GALNTL6: variants seen among roughly 807,000 people sequenced by gnomAD.
GALNTL6 encodes the protein polypeptide N-acetylgalactosaminyltransferase like 6.
GALNTL6 carries 46 observed loss-of-function variants against 73.7 expected under a neutral mutation model. That is an observed-to-expected ratio of 0.62 (90% confidence interval 0.49 to 0.80). GALNTL6 has a LOEUF of 0.80. Among genes scored for constraint, GALNTL6 ranks in the 30% least tolerant of loss-of-function variants. GALNTL6 has a pLI of 0.00. For missense variants in GALNTL6, 604 were observed against 755.0 expected (o/e 0.80, Z 2.34); for synonymous variants, 259 against 263.7 (o/e 0.98, Z 0.17).
chr4:172,600,756 C>A (rs917639599), intron 5 of GALNTL6, among the ~76,000 whole-genome samples: 3 of 151,796 alleles, frequency 2.0e-5, no homozygotes, highest in Admixed American at 1.3e-4. Context: ...AGAGTAAAGA[C>A]CATTCTAGAC....
chr4:172,300,015 A>G (rs1212274361), intron 3 of GALNTL6, among the ~76,000 whole-genome samples: 1 of 152,128 alleles, frequency 6.6e-6, no homozygotes, highest in Non-Finnish European at 1.5e-5. Context: ...GTCTCTTTGT[A>G]GGTCTCTAAG....
Position 172,284,040 on chromosome 4 carries a change from T to C in GALNTL6, c.248-27574T>C, listed in dbSNP as rs540928926. ...ATGGTCTAAATCAATCTTTGGAAAA[T>C]ATGAGTGAAGGTGGAATTTGAAATG... is the stretch of plus-strand genomic sequence containing the variant. On this transcript the variant is annotated intron_variant, in intron 3 of 12. Transcript: ENST00000506823. Among the ~76,000 whole-genome samples, 309 of 152,212 alleles carry C rather than the reference T, an allele frequency of 2.0e-3. 1 individual carries two copies. Among genetic ancestry groups the C allele is most frequent in the Non-Finnish European group, 3.0e-3 (206 of 67,990 alleles).
intron 8 of GALNTL6, among the ~76,000 whole-genome samples, chr4:172,913,465 G>A (rs1253073938): frequency 6.6e-6 from 1 of 152,278 alleles, no homozygotes; most frequent in South Asian, 2.1e-4. Flanking sequence ...GGATGTTCGA[G>A]CCCATTGCAA....
chr4:171,896,707 A>T (rs901640376), intron 2 of GALNTL6, among the ~76,000 whole-genome samples: 10 of 152,118 alleles, frequency 6.6e-5, no homozygotes, highest in Non-Finnish European at 1.5e-4. Flanking sequence ...ATCACCTCCC[A>T]AAGGCCCCAC....
intron 8 of GALNTL6, among the ~76,000 whole-genome samples, chr4:172,908,124 G>C (rs1427625179): frequency 1.3e-5 from 2 of 152,174 alleles, no homozygotes; most frequent in Non-Finnish European, 2.9e-5. Flanking sequence ...AGGCAAAATG[G>C]AGCAGGAGGA....
rs76038249 is a variant in GALNTL6, at chr4:172,966,214, C to T, written c.1371+13956C>T. Among the ~76,000 whole-genome samples, 34 of 152,270 alleles carry T rather than the reference C, an allele frequency of 2.2e-4. No individual in the cohort carries two copies. In the East Asian group the frequency reaches 6.4e-3, roughly 29 times the overall value. Reference sequence around the variant, plus strand: ...TACCTCCACCCTACCAATGGGGTGACATAGTGACCTGCTGGCTTCTGTGAT... The same window carrying T: ...TACCTCCACCCTACCAATGGGGTGATATAGTGACCTGCTGGCTTCTGTGAT... On this transcript the variant is annotated intron_variant, in intron 10 of 12. Transcript: ENST00000506823.
intron 2 of GALNTL6, among the ~76,000 whole-genome samples, chr4:171,923,370 G>A (rs1449428648): frequency 6.6e-6 from 1 of 151,014 alleles, no homozygotes; most frequent in African/African-American, 2.4e-5. Context: ...CATAACCACT[G>A]AGCTGGATTT....
chr4:171,821,769 T>C (rs1734691709), intron 2 of GALNTL6, among the ~76,000 whole-genome samples: 2 of 151,948 alleles, frequency 1.3e-5, no homozygotes, highest in Admixed American at 1.3e-4. Flanking sequence ...AGAGGCATTG[T>C]CAAGACAGCA....
intron 2 of GALNTL6, among the ~76,000 whole-genome samples, chr4:171,981,617 G>C (rs1025419950): frequency 6.6e-6 from 1 of 152,096 alleles, no homozygotes; most frequent in Non-Finnish European, 1.5e-5. Flanking sequence ...TCTTTCACAA[G>C]ATCTTTATAT....
intron 2 of GALNTL6, among the ~76,000 whole-genome samples, chr4:172,176,161 A>C (rs1734987053): frequency 6.6e-6 from 1 of 151,548 alleles, no homozygotes; most frequent in Admixed American, 6.6e-5. Flanking sequence ...AACACGGTGA[A>C]ACCCCATCTC....
At chr4:171,985,511 G>T (rs181543529) in intron 2 of GALNTL6, among the ~76,000 whole-genome samples, 91 of 152,204 alleles carry the variant, frequency 6.0e-4, no homozygotes, top group African/African-American at 2.1e-3. Context: ...ACATGATGTT[G>T]CTTTAAAATG....
intron 5 of GALNTL6, among the ~76,000 whole-genome samples, chr4:172,640,672 T>C (rs573020937): frequency 1.7e-4 from 26 of 152,152 alleles, no homozygotes; most frequent in African/African-American, 6.0e-4. Context: ...TTTCCTCTTC[T>C]TCAAAGAACA....
In GALNTL6 at chr4:172,646,570, C is replaced by T. The variant is rs1354833829; in HGVS notation, c.554-162791C>T. On this transcript the variant is annotated intron_variant, in intron 5 of 12. Coordinates refer to ENST00000506823, the MANE Select transcript of GALNTL6 (RefSeq NM_001034845.3). Reference sequence around the variant, plus strand: ...CCCTTGTTTTTTATAATGGTTAGTACTACATAGTCTGTATATTTACTTTTG... The same window carrying T: ...CCCTTGTTTTTTATAATGGTTAGTATTACATAGTCTGTATATTTACTTTTG... Among the ~76,000 whole-genome samples the T allele has an allele frequency of 2.6e-5, 4 of 151,908 alleles. No individual in the cohort carries two copies. In the South Asian group the frequency reaches 8.3e-4, roughly 32 times the overall value.
chr4:171,936,793 C>T (rs1738362608), intron 2 of GALNTL6, among the ~76,000 whole-genome samples: 1 of 152,128 alleles, frequency 6.6e-6, no homozygotes, highest in Non-Finnish European at 1.5e-5. Flanking sequence ...CTGTTCTTCA[C>T]ATTTGCACCT....
chr4:172,093,862 C>T (rs975454631), intron 2 of GALNTL6, among the ~76,000 whole-genome samples: 3 of 152,142 alleles, frequency 2.0e-5, no homozygotes, highest in African/African-American at 4.8e-5. Context: ...TGTTTAGTTG[C>T]AGGAAAACAA....
intron 2 of GALNTL6, among the ~76,000 whole-genome samples, chr4:171,837,367 A>C (rs1294416974): frequency 2.0e-5 from 3 of 151,876 alleles, no homozygotes; most frequent in African/African-American, 7.2e-5. Flanking sequence ...TCACATTTGT[A>C]TAAAGGATAT....
intron 9 of GALNTL6, among the ~76,000 whole-genome samples, chr4:172,951,033 A>G (rs537862949): frequency 1.3e-5 from 2 of 152,212 alleles, no homozygotes; most frequent in Non-Finnish European, 2.9e-5. Flanking sequence ...AGAGCATCTC[A>G]TCTCAGCTAA....
chr4:171,956,428 G>A (rs994875176), intron 2 of GALNTL6, among the ~76,000 whole-genome samples: 1 of 152,012 alleles, frequency 6.6e-6, no homozygotes, highest in Non-Finnish European at 1.5e-5. Flanking sequence ...TAAATAAGAG[G>A]AACTTCTTTG....
intron 2 of GALNTL6, among the ~76,000 whole-genome samples, chr4:172,057,602 G>C (rs1433859737): frequency 1.3e-5 from 2 of 149,828 alleles, no homozygotes; most frequent in African/African-American, 4.9e-5. Flanking sequence ...AGCTACTCCA[G>C]AGGTTGAGGC....
Sources: allele counts gnomAD v4.1 joint callset (sites outside exome capture counted in the v4.1 genomes callset), GRCh38; gene constraint gnomAD v4.1.1; transcripts MANE v1.5; gene names NCBI Gene and HGNC (gene_info 2026-07-23, HGNC 2026-07-21).